The following PRELID2 variants were observed in gnomAD, a reference collection of about 807,000 sequenced individuals.
PRELID2 encodes PRELI domain containing 2.
Under a neutral mutation model 28.4 loss-of-function variants are expected in PRELID2, and 25 were observed. The observed-to-expected ratio is 0.88, with a 90% confidence interval of 0.64 to 1.23. The LOEUF is 1.23. PRELID2 is among the 50% of genes most tolerant of loss of function. PRELID2 has a pLI of 0.00. For missense variants in PRELID2, 201 were observed against 214.4 expected (o/e 0.94, Z 0.39); for synonymous variants, 76 against 71.6 (o/e 1.06, Z -0.31).
chr5:145,691,476 C>A (rs988149046), intron 1 of PRELID2, among the ~76,000 whole-genome samples: 1 of 152,058 alleles, frequency 6.6e-6, no homozygotes, highest in Non-Finnish European at 1.5e-5. Flanking sequence ...GAGGCCGAGG[C>A]AGGGGGATCA....
chr5:145,282,566 C>A, the PRELID2 span, among the ~76,000 whole-genome samples: 1 of 150,318 alleles, frequency 6.7e-6, no homozygotes, highest in Non-Finnish European at 1.5e-5. Flanking sequence ...GCTGCCCAGG[C>A]TGGAGTACAG....
chr5:145,690,443 C>T (rs535784104), intron 1 of PRELID2, among the ~76,000 whole-genome samples: 3 of 152,242 alleles, frequency 2.0e-5, no homozygotes, highest in Admixed American at 6.5e-5. Flanking sequence ...CAGTGAAACC[C>T]AATGAGACTA....
intron 1 of PRELID2, among the ~76,000 whole-genome samples, chr5:145,696,156 C>CTTTTTTT (rs10591669): frequency 1.7e-5 from 1 of 60,020 alleles, no homozygotes; most frequent in Non-Finnish European, 3.6e-5. Context: ...TAAATAATAG[C>CTTTTTTT]TTTTTTTTTT....
At chr5:145,229,621 G>A in the PRELID2 span, 478 of 1,049,010 alleles carry the variant, frequency 4.6e-4, no homozygotes, top group African/African-American at 6.4e-3. Flanking sequence ...TATTGCCATC[G>A]TGGAGAACAT....
At chr5:145,370,756 T>C in the PRELID2 span, among the ~76,000 whole-genome samples, 1,331 of 152,190 alleles carry the variant, frequency 8.7e-3, 15 homozygotes, top group African/African-American at 0.031. Flanking sequence ...TCCATGAGGA[T>C]GGAATGTTTT....
intron 1 of PRELID2, among the ~76,000 whole-genome samples, chr5:145,602,206 C>T (rs1478159593): frequency 6.6e-6 from 1 of 152,114 alleles, no homozygotes; most frequent in African/African-American, 2.4e-5. Flanking sequence ...ACTCAAGCAC[C>T]TGCTTTAGGT....
chr5:145,628,086 G>A (rs77098871), intron 1 of PRELID2, among the ~76,000 whole-genome samples: 10,766 of 152,074 alleles, frequency 0.071, 578 homozygotes, highest in Admixed American at 0.18. Context: ...TACATGACTT[G>A]GGAACTATTT....
At chr5:145,462,836 G>A in the PRELID2 span, among the ~76,000 whole-genome samples, 2 of 152,156 alleles carry the variant, frequency 1.3e-5, no homozygotes, top group Non-Finnish European at 2.9e-5. Context: ...TTAATCCTAG[G>A]TGAGGTGATG....
At chr5:145,528,602 T>C (rs972406614) in intron 1 of PRELID2, among the ~76,000 whole-genome samples, 2 of 151,906 alleles carry the variant, frequency 1.3e-5, no homozygotes, top group African/African-American at 4.8e-5. Flanking sequence ...TTACTTTTTG[T>C]AAGGCATACT....
the PRELID2 span, among the ~76,000 whole-genome samples, chr5:145,298,633 G>A: frequency 3.3e-5 from 5 of 152,038 alleles, no homozygotes; most frequent in Admixed American, 2.0e-4. Flanking sequence ...TCTGCCATGT[G>A]ATGATGCAGC....
chr5:145,378,015 G>T, the PRELID2 span, among the ~76,000 whole-genome samples: 2 of 152,118 alleles, frequency 1.3e-5, no homozygotes, highest in South Asian at 4.1e-4. Context: ...GCATTTGTTT[G>T]TCTGAAAAGG....
At chr5:145,368,826 T>C in the PRELID2 span, among the ~76,000 whole-genome samples, 4 of 151,858 alleles carry the variant, frequency 2.6e-5, no homozygotes, top group African/African-American at 7.2e-5. Context: ...TAATTTTTAT[T>C]TTAAATTCAG....
chr5:145,229,057 T>C, the PRELID2 span: 20 of 1,590,610 alleles, frequency 1.3e-5, no homozygotes, highest in Non-Finnish European at 1.6e-5. Flanking sequence ...TCCAGCGCAC[T>C]GTATGAGGAC....
intron 1 of PRELID2, among the ~76,000 whole-genome samples, chr5:145,593,490 C>T (rs1753259682): frequency 6.6e-6 from 1 of 152,162 alleles, no homozygotes; most frequent in Non-Finnish European, 1.5e-5. Context: ...TCAGTTAAAA[C>T]ATCCAGCAGT....
the PRELID2 span, among the ~76,000 whole-genome samples, chr5:145,297,781 C>A: frequency 3.3e-5 from 5 of 152,026 alleles, no homozygotes; most frequent in Admixed American, 6.6e-5. Flanking sequence ...TCTCAGGATA[C>A]AAAATCAAGG....
At chr5:145,536,815 T>C (rs10076650) in intron 1 of PRELID2, among the ~76,000 whole-genome samples, 28,845 of 151,824 alleles carry the variant, frequency 0.19, 3,601 homozygotes, top group African/African-American at 0.36. Flanking sequence ...TGTTATACTT[T>C]GTATGTCTTT....
chr5:145,484,984 GAT>G (rs1752202758), intron 1 of PRELID2, among the ~76,000 whole-genome samples: 1 of 152,184 alleles, frequency 6.6e-6, no homozygotes, highest in Non-Finnish European at 1.5e-5. Flanking sequence ...AGGTGAATGA[GAT>G]AGAGAAATTC....
intron 1 of PRELID2, among the ~76,000 whole-genome samples, chr5:145,629,100 A>T (rs1753897073): frequency 6.6e-6 from 1 of 152,170 alleles, no homozygotes; most frequent in African/African-American, 2.4e-5. Context: ...CCCAGCTTTG[A>T]TAGCCTTAGC....
chr5:145,705,854 T>C (rs1044793262), intron 1 of PRELID2, among the ~76,000 whole-genome samples: 1 of 152,000 alleles, frequency 6.6e-6, no homozygotes, highest in Non-Finnish European at 1.5e-5. Context: ...CTTCTTGTGA[T>C]TTTTTTCTCA....
Sources: gnomAD v4.1 joint callset for allele counts (sites outside exome capture counted in the v4.1 genomes callset) on GRCh38, gnomAD v4.1.1 for gene constraint, MANE v1.5 for transcripts, NCBI Gene and HGNC (gene_info 2026-07-23, HGNC 2026-07-21) for gene names.